Variants in FOCAD observed in about 807,000 individuals in gnomAD.
FOCAD encodes focadhesin.
FOCAD carries 198 observed loss-of-function variants against 225.6 expected under a neutral mutation model. That is an observed-to-expected ratio of 0.88 (90% CI 0.78 to 0.99). The LOEUF is 0.99. Among genes scored for constraint, FOCAD ranks in the 50% least tolerant of loss-of-function variants. FOCAD has a pLI of 0.00. For missense variants in FOCAD, 2,713 were observed against 2,123.6 expected (o/e 1.28, Z -5.46); for synonymous variants, 897 against 755.0 (o/e 1.19, Z -3.08).
intron 18 of FOCAD, chr9:20,874,274 C>G (rs947461591): frequency 6.2e-6 from 1 of 161,558 alleles, no homozygotes; most frequent in Non-Finnish European, 1.3e-5. Flanking sequence ...ACTAGAATCA[C>G]AAATTTTTTA....
intron 1 of FOCAD, among the ~76,000 whole-genome samples, chr9:20,705,875 A>G (rs1824336957): frequency 6.6e-6 from 1 of 151,570 alleles, no homozygotes; most frequent in South Asian, 2.1e-4. Context: ...GTTAAAACAC[A>G]GAATAATTAG....
At chr9:20,766,507 A>G (rs1830062989) in intron 7 of FOCAD, among the ~76,000 whole-genome samples, 5 of 152,042 alleles carry the variant, frequency 3.3e-5, no homozygotes, top group Admixed American at 3.3e-4. Context: ...TTTTTTAGCA[A>G]GTACTTTTTG....
At chr9:20,761,217 C>T (rs1027534564) in intron 6 of FOCAD, among the ~76,000 whole-genome samples, 3 of 152,026 alleles carry the variant, frequency 2.0e-5, no homozygotes, top group Non-Finnish European at 1.5e-5. Context: ...TTATTGAAGG[C>T]CTATGACTTT....
At chr9:20,855,794 C>CTTTTTTTT (rs369187873) in intron 15 of FOCAD, among the ~76,000 whole-genome samples, 1 of 131,820 alleles carries the variant, frequency 7.6e-6, no homozygotes. Context: ...CCCCTATATT[C>CTTTTTTTT]TTTTTTTTTT....
At chr9:20,760,196 G>C (rs1829452077) in intron 6 of FOCAD, among the ~76,000 whole-genome samples, 1 of 152,194 alleles carries the variant, frequency 6.6e-6, no homozygotes, top group African/African-American at 2.4e-5. Flanking sequence ...AAGTCTCTGT[G>C]GCTGTGGTTT....
At chr9:20,766,113 G>A (rs897052577) in intron 7 of FOCAD, among the ~76,000 whole-genome samples, 6 of 152,106 alleles carry the variant, frequency 3.9e-5, no homozygotes, top group African/African-American at 1.4e-4. Context: ...TTCACGTCAT[G>A]GCTGCATTAC....
At chr9:20,687,804 A>C (rs1822753910) in intron 1 of FOCAD, among the ~76,000 whole-genome samples, 1 of 152,252 alleles carries the variant, frequency 6.6e-6, no homozygotes, top group Non-Finnish European at 1.5e-5. Context: ...CTTCATAAAC[A>C]ACACCAAAAT....
At chr9:20,688,954 C>T (rs10964660) in intron 1 of FOCAD, among the ~76,000 whole-genome samples, 32,635 of 152,012 alleles carry the variant, frequency 0.21, 3,795 homozygotes, top group African/African-American at 0.31. Flanking sequence ...GATTTTGTTA[C>T]GTGCGTATGG....
intron 1 of FOCAD, among the ~76,000 whole-genome samples, chr9:20,699,852 T>TCTC (rs1275525501): frequency 7.2e-6 from 1 of 138,654 alleles, no homozygotes; most frequent in Non-Finnish European, 1.5e-5. Flanking sequence ...CCTTCTTCGT[T>TCTC]CTCCTCCTCC....
chr9:20,791,665 A>T (rs369228548), intron 11 of FOCAD, among the ~76,000 whole-genome samples: 1 of 152,236 alleles, frequency 6.6e-6, no homozygotes, highest in East Asian at 1.9e-4. Flanking sequence ...AAGAATGCTC[A>T]GATTGGCCTT....
chr9:20,690,524 T>C (rs1228382421), intron 1 of FOCAD, among the ~76,000 whole-genome samples: 1 of 152,134 alleles, frequency 6.6e-6, no homozygotes, highest in Non-Finnish European at 1.5e-5. Flanking sequence ...AAGTAACTTT[T>C]CTGAGAAGTT....
chr9:20,707,163 C>T (rs746999125), intron 1 of FOCAD, among the ~76,000 whole-genome samples: 9 of 152,168 alleles, frequency 5.9e-5, no homozygotes, highest in Non-Finnish European at 1.0e-4. Flanking sequence ...CATATGGTTG[C>T]TGCTTTCTCT....
intron 1 of FOCAD, among the ~76,000 whole-genome samples, chr9:20,712,945 C>G (rs1364695960): frequency 6.6e-6 from 1 of 151,968 alleles, no homozygotes; most frequent in Non-Finnish European, 1.5e-5. Flanking sequence ...GTTGGCCAGG[C>G]TAGTCTCGAA....
chr9:20,742,430 C>CA (rs11443361), intron 5 of FOCAD, among the ~76,000 whole-genome samples: 9,005 of 152,216 alleles, frequency 0.059, 475 homozygotes, highest in African/African-American at 0.14. Context: ...AACAGGCTCC[C>CA]AGGTGATGCT....
chr9:20,919,250 C>G (rs1834154871), intron 24 of FOCAD, among the ~76,000 whole-genome samples: 1 of 152,196 alleles, frequency 6.6e-6, no homozygotes, highest in Non-Finnish European at 1.5e-5. Flanking sequence ...AGGAATCCAA[C>G]TTACAAGGGA....
At chr9:20,679,612 C>G (rs1379000963), upstream of FOCAD, among the ~76,000 whole-genome samples, 1 of 151,986 alleles carries the variant, frequency 6.6e-6, no homozygotes, top group African/African-American at 2.4e-5. Context: ...GTAGGCCCTT[C>G]TACACTGACT....
intron 1 of FOCAD, among the ~76,000 whole-genome samples, chr9:20,692,088 T>G (rs1823013832): frequency 6.6e-6 from 1 of 152,176 alleles, no homozygotes; most frequent in Non-Finnish European, 1.5e-5. Flanking sequence ...CCCTACTAGC[T>G]TCCAAATTTA....
In FOCAD at chr9:20,995,538, T is replaced by C; in HGVS notation, c.5333-18T>C. On this transcript the variant is annotated intron_variant, in intron 43 of 43. Coordinates refer to ENST00000338382, the MANE Select transcript of FOCAD (RefSeq NM_001375567.1). ...TGACCTTTTCAAATGCAGCCATACC[T>C]ATATTTTGTCCCCTTAGCCACCCTG... The C allele has an allele frequency of 6.2e-7, 1 of 1,606,214 alleles. No homozygotes were observed. The highest frequency in any genetic ancestry group is 8.5e-7 in the Non-Finnish European group (1 of 1,173,118).
chr9:20,796,285 G>A (rs112888809), intron 11 of FOCAD, among the ~76,000 whole-genome samples: 30,016 of 152,090 alleles, frequency 0.2, 3,213 homozygotes, highest in Non-Finnish European at 0.24. Context: ...ACGTGTGCAT[G>A]TGTCTTTATA....
Sources: gnomAD v4.1 joint callset for allele counts (sites outside exome capture counted in the v4.1 genomes callset) on GRCh38, gnomAD v4.1.1 for gene constraint, MANE v1.5 for transcripts, NCBI Gene and HGNC (gene_info 2026-07-23, HGNC 2026-07-21) for gene names.